Variants in RBFOX1 observed in about 807,000 individuals in gnomAD.
The protein encoded by RBFOX1 is RNA binding fox-1 homolog 1, also known as RNA binding protein fox-1 homolog 1.
A neutral mutation model predicts 57.7 loss-of-function variants in RBFOX1; 8 were observed. The observed-to-expected ratio is 0.14, with a 90% CI of 0.08 to 0.25. The LOEUF is 0.25. Among genes scored for constraint, RBFOX1 ranks in the 10% least tolerant of loss-of-function variants. RBFOX1 has a pLI of 1.00. For missense variants in RBFOX1, 611 were observed against 548.5 expected (o/e 1.11, Z -1.14); for synonymous variants, 326 against 222.4 (o/e 1.47, Z -4.15).
intron 4 of RBFOX1, chr16:7,332,672 G>C (rs200001500): frequency 3.7e-5 from 23 of 627,068 alleles, no homozygotes; most frequent in South Asian, 8.5e-5. Flanking sequence ...CTCTCTCTCT[G>C]TCTCTCTCTC....
At chr16:7,667,836 G>T (rs1028558090) in intron 13 of RBFOX1, among the ~76,000 whole-genome samples, 1 of 151,948 alleles carries the variant, frequency 6.6e-6, no homozygotes, top group African/African-American at 2.4e-5. Context: ...ACCACCCCTG[G>T]CTAATTTTTG....
At chr16:7,206,469 G>A (rs558632621) in intron 4 of RBFOX1, among the ~76,000 whole-genome samples, 12 of 149,522 alleles carry the variant, frequency 8.0e-5, no homozygotes, top group East Asian at 3.9e-4. Context: ...TATAATATGC[G>A]TGTGTGCATA....
At position 6,060,375 on chromosome 16, in the gene RBFOX1, CACTT is replaced by C. The variant is rs1032761332; in HGVS notation, c.-127+40386_-127+40389del. On this transcript the variant is annotated intron_variant, in intron 1 of 15. Transcript: ENST00000550418. The stretch of plus-strand genomic sequence containing the variant: ...TTTAAATGAGTTAATAGATATAAAA[CACTT>C]ACAGCAATGCCTAGCACACAGTAAA... Among the ~76,000 whole-genome samples, 8 of 152,148 alleles carry C rather than the reference CACTT, an allele frequency of 5.3e-5. No individual in the cohort carries two copies. In the East Asian group the frequency reaches 7.8e-4, roughly 15 times the overall value.
chr16:7,378,885 C>A (rs1296549551), intron 4 of RBFOX1, among the ~76,000 whole-genome samples: 1 of 152,120 alleles, frequency 6.6e-6, no homozygotes, highest in South Asian at 2.1e-4. Context: ...GTGGCAATAA[C>A]GAAGGACTTC....
At chr16:7,205,685 C>T (rs939862538) in intron 4 of RBFOX1, among the ~76,000 whole-genome samples, 14 of 152,206 alleles carry the variant, frequency 9.2e-5, no homozygotes, top group African/African-American at 2.4e-4. Context: ...ATAACATTGA[C>T]GTAAACTTGG....
chr16:6,986,385 G>C (rs1568233950), intron 3 of RBFOX1, among the ~76,000 whole-genome samples: 1 of 151,992 alleles, frequency 6.6e-6, no homozygotes, highest in Non-Finnish European at 1.5e-5. Context: ...TTCTAGTAGA[G>C]ACGGGGTTTC....
At chr16:7,029,365 A>C (rs1244771391) in intron 3 of RBFOX1, among the ~76,000 whole-genome samples, 1 of 150,714 alleles carries the variant, frequency 6.6e-6, no homozygotes, top group Admixed American at 6.6e-5. Context: ...TGGCCCTGAT[A>C]GAAGAAAGCT....
intron 4 of RBFOX1, among the ~76,000 whole-genome samples, chr16:7,361,077 G>C (rs2097311043): frequency 1.3e-5 from 2 of 152,168 alleles, no homozygotes; most frequent in African/African-American, 4.8e-5. Context: ...TGCCTGCTGG[G>C]GGTTTCTTGG....
At chr16:7,295,482 T>C (rs2095870976) in intron 4 of RBFOX1, among the ~76,000 whole-genome samples, 1 of 152,162 alleles carries the variant, frequency 6.6e-6, no homozygotes, top group African/African-American at 2.4e-5. Flanking sequence ...ATGACTTATA[T>C]ATATTACATG....
intron 2 of RBFOX1, among the ~76,000 whole-genome samples, chr16:6,411,665 T>C (rs1018424666): frequency 5.3e-5 from 8 of 152,248 alleles, no homozygotes; most frequent in African/African-American, 1.9e-4. Flanking sequence ...ATGAAAATTA[T>C]TCTCCATTCT....
At chr16:7,179,253 T>G (rs993682682) in intron 4 of RBFOX1, among the ~76,000 whole-genome samples, 3 of 151,976 alleles carry the variant, frequency 2.0e-5, no homozygotes, top group African/African-American at 4.8e-5. Context: ...AGAAAATACT[T>G]AAGTTATCCT....
In RBFOX1 at chr16:7,587,265, G is replaced by A; in HGVS notation, c.433G>A (p.Asp145Asn). ...QMFGQFGKILDVEIIFNERGS... is the reference protein window; with the variant it reads ...QMFGQFGKILNVEIIFNERGS... ...TTTGCAGCAATTTGGTAAAATCTTA[G>A]ATGTTGAAATTATTTTTAATGAGCG... Residue 145 changes from aspartate to asparagine, a missense_variant, in exon 7 of 16, where the codon GAT (aspartate) becomes AAT (asparagine). Asp to Asn is a conservative substitution (Grantham distance 23). Transcript: ENST00000550418. 1 of 1,567,532 alleles carries A rather than the reference G, an allele frequency of 6.4e-7. No individual in the cohort carries two copies. The highest frequency in any genetic ancestry group is 1.4e-5 in the African/African-American group (1 of 73,324).
At chr16:6,635,471 T>C (rs989437113) in intron 2 of RBFOX1, among the ~76,000 whole-genome samples, 1 of 152,062 alleles carries the variant, frequency 6.6e-6, no homozygotes, top group African/African-American at 2.4e-5. Context: ...GAGGAAGTGA[T>C]AACAGGTTTG....
At chr16:6,848,820 G>T (rs375265733) in intron 3 of RBFOX1, among the ~76,000 whole-genome samples, 1 of 152,130 alleles carries the variant, frequency 6.6e-6, no homozygotes, top group Non-Finnish European at 1.5e-5. Flanking sequence ...GGAGGAGCAG[G>T]CCAGTGATTA....
chr16:5,633,952 AT>A (rs2048602469), intron 3 of RBFOX1, among the ~76,000 whole-genome samples: 1 of 152,190 alleles, frequency 6.6e-6, no homozygotes, highest in African/African-American at 2.4e-5. Flanking sequence ...AACATCCCTA[AT>A]TATCACGATG....
intron 4 of RBFOX1, among the ~76,000 whole-genome samples, chr16:5,977,721 CTCCAA>C (rs1183184055): frequency 6.6e-6 from 1 of 152,086 alleles, no homozygotes; most frequent in East Asian, 1.9e-4. Flanking sequence ...TAGAAGAGTG[CTCCAA>C]TCCAAAGATA....
upstream of RBFOX1, among the ~76,000 whole-genome samples, chr16:6,016,775 T>C (rs2094996360): frequency 2.0e-5 from 3 of 152,214 alleles, no homozygotes; most frequent in Non-Finnish European, 4.4e-5. Context: ...TCAGCACCTC[T>C]CATTTATCTT....
At chr16:6,829,500 A>T (rs1437806403) in intron 3 of RBFOX1, among the ~76,000 whole-genome samples, 1 of 151,952 alleles carries the variant, frequency 6.6e-6, no homozygotes, top group Non-Finnish European at 1.5e-5. Flanking sequence ...AAAAAACAAA[A>T]AAACGTTAAC....
intron 2 of RBFOX1, among the ~76,000 whole-genome samples, chr16:6,529,276 A>C (rs927237285): frequency 6.6e-6 from 1 of 152,056 alleles, no homozygotes; most frequent in African/African-American, 2.4e-5. Context: ...AAAATAATTT[A>C]CCCTGTCCAG....
Sources: gnomAD v4.1 joint callset for allele counts (sites outside exome capture counted in the v4.1 genomes callset) on GRCh38, gnomAD v4.1.1 for gene constraint, MANE v1.5 for transcripts, NCBI Gene and HGNC (gene_info 2026-07-23, HGNC 2026-07-21) for gene names.